The following RAB1B variants were observed in gnomAD, a reference collection of about 807,000 sequenced individuals.
RAB1B encodes ras-related protein Rab-1B.
A neutral mutation model predicts 24.8 loss-of-function variants in RAB1B; 10 were observed. That is an observed-to-expected ratio of 0.40 (90% confidence interval 0.25 to 0.68). The LOEUF (loss-of-function observed/expected upper bound fraction) is 0.68, where lower values mean the gene tolerates loss of function less well. RAB1B is among the 30% of genes least tolerant of loss of function. The probability of loss-of-function intolerance (pLI) is 0.37; values close to 1 mark genes in which losing one functional copy is unlikely to be tolerated. For synonymous variants in RAB1B, 99 were observed against 111.7 expected (o/e 0.89, Z 0.72); for missense variants, 154 against 271.2 (o/e 0.57, Z 3.04).
chr11:66,269,483 T>C (rs1271581968), intron 1 of RAB1B, among the ~76,000 whole-genome samples: 1 of 152,240 alleles, frequency 6.6e-6, no homozygotes, highest in Non-Finnish European at 1.5e-5. Flanking sequence ...CCACATCTCA[T>C]GCCCAGGACT....
Position 66,276,284 on chromosome 11 carries a change from A to T in RAB1B, c.*46A>T. The T allele has an allele frequency of 6.7e-7, 1 of 1,493,642 alleles. No individual in the cohort carries two copies. The highest frequency in any genetic ancestry group is 8.9e-7 in the Non-Finnish European group (1 of 1,119,370). 92.5% of individuals were successfully genotyped at this position (1,493,642 alleles called of 1,614,324 possible). On this transcript the variant is annotated 3_prime_UTR_variant, in exon 6 of 6. Transcript: ENST00000311481. The stretch of plus-strand genomic sequence containing the variant: ...CAGGAGGGGGCACCTTCTCCAGATG[A>T]TGTCCCTGGAGGGGGCAGGAGGTAC...
chr11:66,274,270 TAGC>T (rs569595249), intron 4 of RAB1B, among the ~76,000 whole-genome samples: 1 of 152,164 alleles, frequency 6.6e-6, no homozygotes, highest in Non-Finnish European at 1.5e-5. Flanking sequence ...CTCATAATAA[TAGC>T]AGTGATGAGG....
chr11:66,272,899 C>A (rs2134863447), intron 4 of RAB1B, among the ~76,000 whole-genome samples: 1 of 152,314 alleles, frequency 6.6e-6, no homozygotes, highest in Non-Finnish European at 1.5e-5. Flanking sequence ...GCTCTGGGCC[C>A]AATGTGAGCA....
At chr11:66,269,995 C>G (rs1269249010) in intron 1 of RAB1B, 6 of 152,122 alleles carry the variant, frequency 3.9e-5, no homozygotes, top group African/African-American at 9.7e-5. Flanking sequence ...CTGCCTTGTC[C>G]TCCTGAGTAG....
At chr11:66,269,005 C>T (rs1857001752) in intron 1 of RAB1B, among the ~76,000 whole-genome samples, 1 of 152,088 alleles carries the variant, frequency 6.6e-6, no homozygotes, top group Admixed American at 6.5e-5. Flanking sequence ...TCACTTCAGG[C>T]CTCAGTTTCC....
At position 66,268,659 on chromosome 11, in the gene RAB1B, G is replaced by A. The variant is rs757539612; in HGVS notation, c.-21G>A. 5 of 1,561,884 alleles carry A rather than the reference G, an allele frequency of 3.2e-6. No individual in the cohort carries two copies. The highest frequency in any genetic ancestry group is 3.5e-6 in the Non-Finnish European group (4 of 1,155,716). On this transcript the variant is annotated 5_prime_UTR_variant, in exon 1 of 6. Transcript: ENST00000311481. Reference sequence around the variant, plus strand: ...GGAGCAGAGTCGACTGGGAGCGACCGAGCGGGCCGCCGCCGCCGCCATGAA... The same window carrying A: ...GGAGCAGAGTCGACTGGGAGCGACCAAGCGGGCCGCCGCCGCCGCCATGAA...
chr11:66,268,666 C>T lies in RAB1B; in HGVS notation c.-14C>T. On this transcript the variant is annotated 5_prime_UTR_variant, in exon 1 of 6. Transcript: ENST00000311481. ...AGTCGACTGGGAGCGACCGAGCGGGCCGCCGCCGCCGCCATGAACCCCGAA... is the reference window on the plus strand; with the variant it reads ...AGTCGACTGGGAGCGACCGAGCGGGTCGCCGCCGCCGCCATGAACCCCGAA... 1 of 1,553,302 alleles carries T rather than the reference C, an allele frequency of 6.4e-7. No individual in the cohort carries two copies. Among genetic ancestry groups the T allele is most frequent in the Non-Finnish European group, 8.7e-7 (1 of 1,151,016 alleles).
At chr11:66,273,445 C>T (rs1457634845) in intron 4 of RAB1B, among the ~76,000 whole-genome samples, 1 of 152,158 alleles carries the variant, frequency 6.6e-6, no homozygotes, top group Non-Finnish European at 1.5e-5. Context: ...CTGCTCTCTT[C>T]TCTCTCCTTG....
At chr11:66,271,398 G>C (rs755664456) in intron 1 of RAB1B, 1 of 153,886 alleles carries the variant, frequency 6.5e-6, no homozygotes, top group Admixed American at 6.8e-5. Context: ...CGAGGCAGGA[G>C]AATTGCTTGA....
At chr11:66,268,818 G>A in intron 1 of RAB1B, 125 bp downstream of exon 1, 2 of 852,020 alleles carry the variant, frequency 2.3e-6, no homozygotes, top group South Asian at 3.8e-5. Flanking sequence ...TCCCTCTTCC[G>A]CTGACCCCCC....
intron 4 of RAB1B, among the ~76,000 whole-genome samples, chr11:66,275,087 C>G (rs577782742): frequency 2.0e-5 from 3 of 152,270 alleles, no homozygotes; most frequent in African/African-American, 7.2e-5. Context: ...CCCCTTTGTC[C>G]CCAGCACTTA....
intron 1 of RAB1B, 102 bp from the exon 2 acceptor site, chr11:66,271,695 A>C (rs553549162): frequency 1.2e-6 from 1 of 804,988 alleles, no homozygotes; most frequent in Non-Finnish European, 2.1e-6. Context: ...AAATAAACCA[A>C]GGGATGCCTC....
chr11:66,274,019 G>A (rs1373123843), intron 4 of RAB1B, among the ~76,000 whole-genome samples: 1 of 152,086 alleles, frequency 6.6e-6, no homozygotes, highest in Non-Finnish European at 1.5e-5. Context: ...CTGTCACCCA[G>A]ACTGCAGTGC....
intron 2 of RAB1B, 136 bp from the exon 3 acceptor site, chr11:66,272,021 G>A (rs763258245): frequency 6.3e-6 from 6 of 950,700 alleles, no homozygotes; most frequent in Non-Finnish European, 6.9e-6. Flanking sequence ...GAACAAGACA[G>A]GGCTGGCCAG....
In RAB1B at chr11:66,276,567, A is replaced by G. The variant is rs1483099961; in HGVS notation, c.*329A>G. 1 of 295,114 alleles carries G rather than the reference A, an allele frequency of 3.4e-6. No individual in the cohort carries two copies. The highest frequency in any genetic ancestry group is 2.2e-5 in the African/African-American group (1 of 44,822). 18.3% of individuals were successfully genotyped at this position (295,114 alleles called of 1,614,324 possible). A position where few individuals can be genotyped will look rare whatever the true frequency, so the allele number is the denominator to read the frequency against. ...GTCGGTGTCCCTCCCACCCCCATGT[A>G]TGCTGCACTGGGTTCTCTCCTTCTT... On this transcript the variant is annotated 3_prime_UTR_variant, in exon 6 of 6. Transcript: ENST00000311481.
intron 1 of RAB1B, 42 bp downstream of exon 1, chr11:66,268,735 C>T (rs933422074): frequency 7.1e-6 from 11 of 1,550,562 alleles, no homozygotes; most frequent in Non-Finnish European, 8.7e-6. Context: ...AGCCTCGATC[C>T]CGAATACAGG....
At chr11:66,275,435 C>A (rs1226731990) in intron 4 of RAB1B, among the ~76,000 whole-genome samples, 1 of 152,176 alleles carries the variant, frequency 6.6e-6, no homozygotes, top group African/African-American at 2.4e-5. Context: ...GTGGCTCTTG[C>A]GGACCCGTTA....
intron 1 of RAB1B, among the ~76,000 whole-genome samples, chr11:66,269,034 C>T (rs952330843): frequency 1.3e-5 from 2 of 152,096 alleles, no homozygotes; most frequent in Non-Finnish European, 2.9e-5. Flanking sequence ...TGCTTGACAA[C>T]TGTCCCGGAG....
intron 4 of RAB1B, 174 bp downstream of exon 4, chr11:66,272,634 T>C (rs570486493): frequency 8.4e-6 from 4 of 478,330 alleles, no homozygotes; most frequent in African/African-American, 7.7e-5. Context: ...CTTGGACTCA[T>C]TTCACAAGGA....
Sources: gnomAD v4.1 joint callset for allele counts (sites outside exome capture counted in the v4.1 genomes callset) on GRCh38, gnomAD v4.1.1 for gene constraint, MANE v1.5 for transcripts, NCBI Gene and HGNC (gene_info 2026-07-23, HGNC 2026-07-21) for gene names.